Variants in ARHGAP35 observed in about 807,000 individuals in gnomAD.
The protein encoded by ARHGAP35 is Rho GTPase activating protein 35, also known as rho GTPase-activating protein 35.
A neutral mutation model predicts 111.1 loss-of-function variants in ARHGAP35; 15 were observed. The ratio of observed to expected loss-of-function variants is 0.13; its 90% CI spans 0.09 to 0.21. The LOEUF is 0.21. ARHGAP35 is among the 10% of genes least tolerant of loss of function. The pLI is 1.00. For synonymous variants in ARHGAP35, 643 were observed against 710.3 expected (o/e 0.91, Z 1.51); for missense variants, 1,262 against 1,873.0 (o/e 0.67, Z 6.02).
intron 1 of ARHGAP35, among the ~76,000 whole-genome samples, chr19:46,897,515 A>C (rs2056063820): frequency 6.6e-6 from 1 of 151,180 alleles, no homozygotes; most frequent in South Asian, 2.1e-4. Flanking sequence ...CCTGAAAATG[A>C]ATTTTAGTTA....
chr19:46,957,185 ACTC>A (rs748368799), intron 3 of ARHGAP35, among the ~76,000 whole-genome samples: 4 of 150,042 alleles, frequency 2.7e-5, no homozygotes, highest in Non-Finnish European at 5.9e-5. Context: ...ATGGTCTCAA[ACTC>A]CTGACCTCGT....
At chr19:46,960,508 A>G (rs2056473875) in intron 3 of ARHGAP35, among the ~76,000 whole-genome samples, 1 of 152,182 alleles carries the variant, frequency 6.6e-6, no homozygotes, top group South Asian at 2.1e-4. Flanking sequence ...AGAGTTTCTT[A>G]TTAGAGAACA....
chr19:46,941,895 A>G (rs2056349451), intron 3 of ARHGAP35, among the ~76,000 whole-genome samples: 3 of 151,438 alleles, frequency 2.0e-5, no homozygotes, highest in Admixed American at 1.3e-4. Context: ...AAAAAAAAAA[A>G]AAAAAGATAG....
At chr19:46,962,814 A>T (rs1036461913) in intron 3 of ARHGAP35, among the ~76,000 whole-genome samples, 1 of 152,088 alleles carries the variant, frequency 6.6e-6, no homozygotes, top group Admixed American at 6.6e-5. Context: ...AGGTTTTACC[A>T]TGTTGGCCAG....
At chr19:46,950,005 C>T (rs1338587491) in intron 3 of ARHGAP35, among the ~76,000 whole-genome samples, 1 of 152,190 alleles carries the variant, frequency 6.6e-6, no homozygotes, top group Non-Finnish European at 1.5e-5. Context: ...CCCATCTGGG[C>T]ACTGGTTGCA....
At chr19:46,886,985 AT>A (rs1021185418) in intron 1 of ARHGAP35, among the ~76,000 whole-genome samples, 6 of 152,168 alleles carry the variant, frequency 3.9e-5, no homozygotes, top group African/African-American at 1.4e-4. Flanking sequence ...GTCTGCTTGA[AT>A]TTTGAGTTTC....
chr19:46,928,928 T>TTA (rs1177255528), intron 2 of ARHGAP35, among the ~76,000 whole-genome samples: 22 of 143,372 alleles, frequency 1.5e-4, no homozygotes, highest in African/African-American at 6.0e-4. Flanking sequence ...GGAGACGGTC[T>TTA]CAAAAAAAAA....
At chr19:46,906,421 G>GCACT (rs2056108148) in intron 1 of ARHGAP35, among the ~76,000 whole-genome samples, 2 of 152,228 alleles carry the variant, frequency 1.3e-5, no homozygotes, top group African/African-American at 4.8e-5. Context: ...GCTCCCCAGG[G>GCACT]CACTGCTTCT....
intron 1 of ARHGAP35, among the ~76,000 whole-genome samples, chr19:46,873,790 C>T (rs1008005507): frequency 1.3e-5 from 2 of 151,542 alleles, no homozygotes; most frequent in Non-Finnish European, 2.9e-5. Context: ...CCCTTGTTGC[C>T]CAGGCTGGCG....
At chr19:46,877,797 C>T (rs1471197867) in intron 1 of ARHGAP35, among the ~76,000 whole-genome samples, 2 of 151,786 alleles carry the variant, frequency 1.3e-5, no homozygotes, top group Admixed American at 6.6e-5. Flanking sequence ...ACCTCTGCCT[C>T]CCGGGTCCAG....
Position 46,919,793 on chromosome 19 carries a change from A to C in ARHGAP35, c.1118A>C (p.Lys373Thr). The C allele has an allele frequency of 6.2e-7, 1 of 1,614,072 alleles. No individual in the cohort carries two copies. The highest frequency in any genetic ancestry group is 1.3e-5 in the African/African-American group (1 of 75,062). Reference protein sequence around the residue: ...CIKAKKLLETKPEFLKWFVVL... With the variant: ...CIKAKKLLETTPEFLKWFVVL... ...AAAGCCAAAAAGCTCTTAGAAACCA[A>C]GCCAGAATTCTTGAAGTGGTTTGTT... The change falls in exon 2 of 7, where the codon AAG becomes ACG. Residue 373 changes from lysine (K) to threonine (T), a missense_variant. Lys to Thr is a moderately conservative substitution (Grantham distance 78). Transcript: ENST00000672722. This position sits in a 1 kb window ranked among gnomAD's most constrained non-coding sequence, Gnocchi z 6.2.
chr19:46,899,108 G>T (rs142274198), intron 1 of ARHGAP35, among the ~76,000 whole-genome samples: 1 of 152,148 alleles, frequency 6.6e-6, no homozygotes, highest in Non-Finnish European at 1.5e-5. Context: ...AGAAGGGCGC[G>T]TTTGACCAAA....
chr19:46,950,590 C>T (rs895456410), intron 3 of ARHGAP35, among the ~76,000 whole-genome samples: 1 of 152,202 alleles, frequency 6.6e-6, no homozygotes, highest in African/African-American at 2.4e-5. Context: ...TGTTACTGAG[C>T]TTGTGGTGGT....
rs968604880 is a variant in ARHGAP35 at position 46,980,737 on chromosome 19, C to T, written c.3827-7252C>T. Reference sequence around the variant, plus strand: ...AGACGATCTCATTTATTCCATTGTACGGTCAGATTAGCTGAGGTCAGGGGC... The same window carrying T: ...AGACGATCTCATTTATTCCATTGTATGGTCAGATTAGCTGAGGTCAGGGGC... On this transcript the variant is annotated intron_variant, in intron 3 of 6. Coordinates refer to ENST00000672722, the MANE Select transcript of ARHGAP35 (RefSeq NM_004491.5). Among the ~76,000 whole-genome samples the T allele has an allele frequency of 3.3e-5, 5 of 152,112 alleles. No homozygotes were observed. In the South Asian group the frequency reaches 6.2e-4, roughly 19 times the overall value.
At chr19:46,998,729 C>T (rs536575565) in intron 5 of ARHGAP35, among the ~76,000 whole-genome samples, 57 of 152,316 alleles carry the variant, frequency 3.7e-4, no homozygotes, top group Non-Finnish European at 6.8e-4. Flanking sequence ...AAAGTGTGGG[C>T]GTTGGGGGAA....
intron 1 of ARHGAP35, among the ~76,000 whole-genome samples, chr19:46,904,376 T>G (rs1326931044): frequency 6.6e-6 from 1 of 152,210 alleles, no homozygotes; most frequent in Admixed American, 6.5e-5. Flanking sequence ...TTTTTTCAAA[T>G]CAGCCAGTTT....
At chr19:46,878,983 A>G (rs1281605032) in intron 1 of ARHGAP35, among the ~76,000 whole-genome samples, 1 of 152,214 alleles carries the variant, frequency 6.6e-6, no homozygotes, top group East Asian at 1.9e-4. Flanking sequence ...AGATTTCTGT[A>G]TAGCATGCAA....
intron 3 of ARHGAP35, among the ~76,000 whole-genome samples, chr19:46,961,807 G>A (rs1214805538): frequency 6.6e-6 from 1 of 152,120 alleles, no homozygotes; most frequent in Non-Finnish European, 1.5e-5. Flanking sequence ...GCGCACACCT[G>A]TAGTCCCAAC....
At position 46,999,311 on chromosome 19, in the gene ARHGAP35, C is replaced by T. The variant is rs200109597; in HGVS notation, c.4044C>T (p.Asn1348=). Residue 1348 remains asparagine (N), a synonymous_variant, in exon 6 of 7, where the codon AAC becomes AAT. Transcript: ENST00000672722. This position sits in a 1 kb window ranked among gnomAD's most constrained non-coding sequence, Gnocchi z 5.4. ...GGTTTTCTCTCTCCTCAGAAATCAA[C>T]GACCGGGAGCAGAAGTTGCATGCCC... The part of the protein sequence containing the change: ...QIDLVEAHKI[N]DREQKLHALK... The T allele has an allele frequency of 1.9e-5, 30 of 1,583,370 alleles. No individual in the cohort carries two copies. Among genetic ancestry groups the T allele is most frequent in the East Asian group, 4.6e-5 (2 of 43,604 alleles).
Sources: gnomAD v4.1 joint callset for allele counts (sites outside exome capture counted in the v4.1 genomes callset) on GRCh38, gnomAD v4.1.1 for gene constraint, Gnocchi (gnomAD v3.1) non-coding constraint, MANE v1.5 for transcripts, NCBI Gene and HGNC (gene_info 2026-07-23, HGNC 2026-07-21) for gene names.